The following CIT variants were observed in gnomAD, a reference collection of about 807,000 sequenced individuals.
CIT encodes the protein citron Rho-interacting kinase.
Under a neutral mutation model 272.7 loss-of-function variants are expected in CIT, and 79 were observed. The observed-to-expected ratio is 0.29, with a 90% CI of 0.24 to 0.35. CIT has a LOEUF of 0.35. Ranked by LOEUF, CIT falls within the 10% of genes least tolerant of loss-of-function variation. The probability of loss-of-function intolerance (pLI) is 1.00; values close to 1 mark genes in which losing one functional copy is unlikely to be tolerated. For missense variants in CIT, 1,909 were observed against 2,618.3 expected (o/e 0.73, Z 5.91); for synonymous variants, 948 against 995.6 (o/e 0.95, Z 0.90).
chr12:119,803,918 CCTGTTAGGATACCA>C (rs1242495154), intron 9 of CIT, among the ~76,000 whole-genome samples: 1 of 151,978 alleles, frequency 6.6e-6, no homozygotes, highest in Non-Finnish European at 1.5e-5. Flanking sequence ...TTCTGGAACT[CCTGTTAGGATACCA>C]CTGCAGTCTA....
chr12:119,823,259 G>C (rs1457049822), intron 8 of CIT, among the ~76,000 whole-genome samples: 2 of 152,040 alleles, frequency 1.3e-5, no homozygotes, highest in Non-Finnish European at 2.9e-5. Context: ...TCCCTTTGCT[G>C]TCCAACAATG....
chr12:119,839,790 G>A (rs1969278873), intron 5 of CIT, among the ~76,000 whole-genome samples: 1 of 152,100 alleles, frequency 6.6e-6, no homozygotes, highest in Non-Finnish European at 1.5e-5. Flanking sequence ...GTTAGGAGAA[G>A]AAAAATAAAC....
chr12:119,718,377 G>A lies in CIT; in HGVS notation c.4036C>T (p.Pro1346Ser), dbSNP rs774187511. 2 of 1,613,762 alleles carry A rather than the reference G, an allele frequency of 1.2e-6. No homozygotes were observed. Among genetic ancestry groups the A allele is most frequent in the South Asian group, 1.1e-5 (1 of 91,030 alleles). Reference sequence around the variant, plus strand: ...TGCCTCGCGGTGGCTGGCGTGGATGGGTGTGGGTGGTCCGTTGCTTTGCGG... The same window carrying A: ...TGCCTCGCGGTGGCTGGCGTGGATGAGTGTGGGTGGTCCGTTGCTTTGCGG... ...AHRKATDHPH[P>S]STPATARQQI... The change falls in exon 32 of 48, where the codon CCA becomes TCA. Residue 1346 changes from proline to serine, a missense_variant. Coordinates refer to ENST00000392521, the MANE Select transcript of CIT (RefSeq NM_001206999.2). This position sits in a 1 kb window ranked among gnomAD's most constrained non-coding sequence, Gnocchi z 4.8.
At chr12:119,803,695 G>C (rs1966405119) in intron 9 of CIT, among the ~76,000 whole-genome samples, 1 of 152,190 alleles carries the variant, frequency 6.6e-6, no homozygotes. Flanking sequence ...GAACTCGTGG[G>C]GAAGCCGCTC....
chr12:119,821,490 T>C (rs1967718592), intron 9 of CIT, among the ~76,000 whole-genome samples: 2 of 152,142 alleles, frequency 1.3e-5, no homozygotes, highest in African/African-American at 2.4e-5. Flanking sequence ...CTGGGAGACT[T>C]GGAACATATG....
chr12:119,847,861 A>G (rs934426635), intron 5 of CIT, among the ~76,000 whole-genome samples: 3 of 152,216 alleles, frequency 2.0e-5, no homozygotes, highest in African/African-American at 7.2e-5. Context: ...ATTGCACTCC[A>G]GCCTGGGTAA....
At chr12:119,720,015 G>A (rs1733715741) in intron 30 of CIT, among the ~76,000 whole-genome samples, 1 of 152,172 alleles carries the variant, frequency 6.6e-6, no homozygotes, top group South Asian at 2.1e-4. Context: ...CTGAGTTCTA[G>A]TCTCTTTGTG....
At chr12:119,754,348 T>C (rs1593605899) in intron 22 of CIT, among the ~76,000 whole-genome samples, 1 of 152,188 alleles carries the variant, frequency 6.6e-6, no homozygotes, top group African/African-American at 2.4e-5. Context: ...GTCCTGACCA[T>C]TGCACTTGAC....
chr12:119,824,769 AT>A (rs1968027320), intron 8 of CIT, among the ~76,000 whole-genome samples: 1 of 152,162 alleles, frequency 6.6e-6, no homozygotes, highest in Non-Finnish European at 1.5e-5. Flanking sequence ...AGAAACATTC[AT>A]TCACACAATT....
intron 28 of CIT, among the ~76,000 whole-genome samples, chr12:119,725,009 G>T (rs984981551): frequency 6.7e-6 from 1 of 148,900 alleles, no homozygotes; most frequent in African/African-American, 2.5e-5. Flanking sequence ...GAGGAAAAAT[G>T]TGAAAGATCC....
chr12:119,784,756 G>A lies in CIT; in HGVS notation c.1401+204C>T, dbSNP rs184256228. On this transcript the variant is annotated intron_variant, in intron 11 of 47. Coordinates refer to ENST00000392521, the MANE Select transcript of CIT (RefSeq NM_001206999.2). The surrounding 1 kb of genome is among the most constrained non-coding windows in gnomAD (Gnocchi z 4.7). Reference sequence around the variant, plus strand: ...TAAATCCAGGGCCTCCTCTGGTTTAGATTTAAAGGATTTACAGCAACAGCA... The same window carrying A: ...TAAATCCAGGGCCTCCTCTGGTTTAAATTTAAAGGATTTACAGCAACAGCA... The A allele has an allele frequency of 9.2e-6, 13 of 1,412,672 alleles. No homozygotes were observed. The East Asian group carries it at 3.1e-4, about 34-fold the overall frequency. 87.5% of individuals were successfully genotyped at this position (1,412,672 alleles called of 1,614,324 possible). A position where few individuals can be genotyped will look rare whatever the true frequency, so the allele number is the denominator to read the frequency against.
intron 9 of CIT, among the ~76,000 whole-genome samples, chr12:119,805,401 T>C (rs1966533306): frequency 6.6e-6 from 1 of 152,226 alleles, no homozygotes; most frequent in African/African-American, 2.4e-5. Context: ...ACCACAGTTC[T>C]TAGCATACAG....
intron 44 of CIT, 148 bp downstream of exon 44, chr12:119,700,597 G>A: frequency 1.5e-6 from 1 of 679,686 alleles, no homozygotes. Flanking sequence ...TGGTCAGGCT[G>A]GGCTCAAACT....
chr12:119,816,240 A>C (rs1967173378), intron 9 of CIT, among the ~76,000 whole-genome samples: 1 of 152,216 alleles, frequency 6.6e-6, no homozygotes, highest in Non-Finnish European at 1.5e-5. Flanking sequence ...AGTGGGGTTC[A>C]GGGAGTCAAG....
At chr12:119,795,287 T>C (rs1035141944) in intron 10 of CIT, among the ~76,000 whole-genome samples, 3 of 152,156 alleles carry the variant, frequency 2.0e-5, no homozygotes, top group Non-Finnish European at 2.9e-5. Context: ...CACGGGAGGC[T>C]GAGGCACAAG....
chr12:119,864,112 T>C (rs950549078), intron 3 of CIT, among the ~76,000 whole-genome samples: 11 of 152,084 alleles, frequency 7.2e-5, no homozygotes, highest in Non-Finnish European at 1.5e-4. Flanking sequence ...GTATTGTGTA[T>C]TGTTTGCAAT....
At chr12:119,814,520 C>T (rs2137973822) in intron 9 of CIT, among the ~76,000 whole-genome samples, 1 of 152,244 alleles carries the variant, frequency 6.6e-6, no homozygotes, top group South Asian at 2.1e-4. Flanking sequence ...GCTGATACTC[C>T]AAACAGACCC....
chr12:119,817,019 C>G (rs1184108756), intron 9 of CIT, among the ~76,000 whole-genome samples: 5 of 152,198 alleles, frequency 3.3e-5, no homozygotes, highest in Non-Finnish European at 5.9e-5. Flanking sequence ...TCTAAATAAA[C>G]AGAAAACAGG....
Position 119,701,890 on chromosome 12 carries a change from A to G in CIT, c.5373T>C (p.Asn1791=). 1 of 1,614,154 alleles carries G rather than the reference A, an allele frequency of 6.2e-7. No individual in the cohort carries two copies. The highest frequency in any genetic ancestry group is 8.5e-7 in the Non-Finnish European group (1 of 1,180,022). ...GCTTCATGTCGATTTCGTAGAATTT[A>G]TTGGTTCCAATGAGGATACTGTAAT... ...FTNYSILIGT[N]KFYEIDMKQY... The change falls in exon 42 of 48, where the codon AAT becomes AAC. Residue 1791 remains asparagine, a synonymous_variant. Transcript: ENST00000392521.
Sources: gnomAD v4.1 joint callset for allele counts (sites outside exome capture counted in the v4.1 genomes callset) on GRCh38, gnomAD v4.1.1 for gene constraint, Gnocchi (gnomAD v3.1) non-coding constraint, MANE v1.5 for transcripts, NCBI Gene and HGNC (gene_info 2026-07-23, HGNC 2026-07-21) for gene names.